AKAP9: variants seen among roughly 807,000 people sequenced by gnomAD.
The protein encoded by AKAP9 is A-kinase anchoring protein 9.
AKAP9 carries 311 observed loss-of-function variants against 488.5 expected under a neutral mutation model. The ratio of observed to expected loss-of-function variants is 0.64; its 90% CI spans 0.58 to 0.70. AKAP9 has a LOEUF of 0.70. AKAP9 is among the 30% of genes least tolerant of loss of function. The pLI is 0.00. For synonymous variants in AKAP9, 1,462 were observed against 1,483.5 expected (o/e 0.99, Z 0.33); for missense variants, 4,215 against 4,374.5 (o/e 0.96, Z 1.03).
chr7:91,996,053 GT>G (rs889639139), intron 7 of AKAP9: 11 of 405,686 alleles, frequency 2.7e-5, no homozygotes, highest in South Asian at 1.6e-4. Flanking sequence ...TATAGCTATA[GT>G]TTTTTTTGTC....
chr7:91,982,583 G>A (rs575124365), intron 3 of AKAP9, among the ~76,000 whole-genome samples: 1 of 152,238 alleles, frequency 6.6e-6, no homozygotes, highest in African/African-American at 2.4e-5. Context: ...TCTTTATCCA[G>A]TCTATCATTG....
chr7:92,080,422 C>A (rs949463753), intron 31 of AKAP9, among the ~76,000 whole-genome samples: 1 of 152,002 alleles, frequency 6.6e-6, no homozygotes, highest in Non-Finnish European at 1.5e-5. Flanking sequence ...CACGGTGAAA[C>A]CCCGTCTCTA....
At chr7:92,018,644 G>A (rs567923457) in intron 12 of AKAP9, among the ~76,000 whole-genome samples, 2 of 151,904 alleles carry the variant, frequency 1.3e-5, no homozygotes, top group Non-Finnish European at 2.9e-5. Flanking sequence ...ATTATTTCTC[G>A]ACTGTAGTAT....
At chr7:92,058,810 T>C (rs567643870) in intron 22 of AKAP9, among the ~76,000 whole-genome samples, 1 of 152,124 alleles carries the variant, frequency 6.6e-6, no homozygotes, top group South Asian at 2.1e-4. Context: ...AATCATATGT[T>C]ATATTGGCTG....
At position 92,079,153 on chromosome 7, in the gene AKAP9, T is replaced by C; in HGVS notation, c.7020T>C (p.Cys2340=). Residue 2340 remains cysteine, a synonymous_variant, in exon 31 of 50, where the codon TGT becomes TGC. Coordinates refer to ENST00000356239, the MANE Select transcript of AKAP9 (RefSeq NM_005751.5). ...AATGTTTGATGAGTGATCAAGAATGTGTGAAGAGAAATAGAGAAGAAGAAA... is the reference window on the plus strand; with the variant it reads ...AATGTTTGATGAGTGATCAAGAATGCGTGAAGAGAAATAGAGAAGAAGAAA... ...QIECLMSDQE[C]VKRNREEEIE... 1.2e-6 allele frequency: 2 copies of C among 1,613,846 alleles called. No individual in the cohort carries two copies. The highest frequency in any genetic ancestry group is 1.7e-6 in the Non-Finnish European group (2 of 1,179,900).
chr7:91,951,394 G>A (rs938138978), intron 1 of AKAP9, among the ~76,000 whole-genome samples: 1 of 151,636 alleles, frequency 6.6e-6, no homozygotes, highest in South Asian at 2.1e-4. Context: ...GCATGATCAC[G>A]GCTCATTGCA....
At position 92,029,985 on chromosome 7, in the gene AKAP9, A is replaced by G. The variant is rs1803955456; in HGVS notation, c.4239A>G (p.Thr1413=). Reference sequence around the variant, plus strand: ...GTGTGAAAAAGAATATTGATGGTACAATAGAGGTATTATATTTTTAATTTT... The same window carrying G: ...GTGTGAAAAAGAATATTGATGGTACGATAGAGGTATTATATTTTTAATTTT... The part of the protein sequence containing the change: ...GSCVKKNIDG[T]IEFSGEFGVK... The change falls in exon 15 of 50, where the codon ACA becomes ACG. Residue 1413 remains threonine, a synonymous_variant. Coordinates refer to ENST00000356239, the MANE Select transcript of AKAP9 (RefSeq NM_005751.5). The G allele has an allele frequency of 3.8e-6, 6 of 1,595,382 alleles. No homozygotes were observed. The East Asian group carries it at 1.3e-4, about 36-fold the overall frequency.
At chr7:92,029,815 T>G (rs985805183) in intron 14 of AKAP9, 80 bp from the exon 15 acceptor site, 9 of 1,131,814 alleles carry the variant, frequency 8.0e-6, no homozygotes, top group Middle Eastern at 3.9e-4. Flanking sequence ...AGTACACATT[T>G]TATGTGTGGT....
At chr7:92,014,446 G>A in intron 10 of AKAP9, 118 bp downstream of exon 10, 1 of 731,862 alleles carries the variant, frequency 1.4e-6, no homozygotes, top group Non-Finnish European at 2.4e-6. Flanking sequence ...TGGCCAACGT[G>A]GTGAAACCCC....
chr7:91,953,294 G>T (rs1240212884), intron 1 of AKAP9, among the ~76,000 whole-genome samples: 2 of 152,154 alleles, frequency 1.3e-5, no homozygotes, highest in Non-Finnish European at 2.9e-5. Flanking sequence ...GCAAGATTGT[G>T]AAATCAGTTT....
In AKAP9 at chr7:92,052,782, A is replaced by C. The variant is rs1307812108; in HGVS notation, c.5425A>C (p.Asn1809His). 2 of 1,613,692 alleles carry C rather than the reference A, an allele frequency of 1.2e-6. No homozygotes were observed. Among genetic ancestry groups the C allele is most frequent in the Admixed American group, 1.7e-5 (1 of 59,986 alleles). ...SGSDMPRNDI[N>H]MWSKVTEEGT... is the part of the protein sequence containing the mutation. ...AAGTGATATGCCAAGAAATGACATT[A>C]ACATGTGGTCAAAAGTAACTGAGGA... The change falls in exon 22 of 50, where the codon AAC (asparagine) becomes CAC (histidine). Residue 1809 changes from asparagine (N) to histidine (H), a missense_variant. Around this residue, in one of 5 missense-constraint regions of AKAP9, gnomAD observed 2,361 missense variants for 2,430.0 expected, o/e 0.97. Transcript: ENST00000356239.
intron 11 of AKAP9, 71 bp downstream of exon 11, chr7:92,016,338 TTTGA>T: frequency 8.5e-7 from 1 of 1,170,510 alleles, no homozygotes; most frequent in Non-Finnish European, 1.2e-6. Context: ...GATTTTTACT[TTTGA>T]TTATGATTTA....
Position 92,084,890 on chromosome 7 carries a change from C to T in AKAP9, c.8782C>T (p.Arg2928Ter), listed in dbSNP as rs746403215. 7.4e-6 allele frequency: 12 copies of T among 1,612,500 alleles called. No individual in the cohort carries two copies. Among genetic ancestry groups the T allele is most frequent in the Admixed American group, 1.7e-5 (1 of 59,908 alleles). Residue 2928 changes from arginine (R) to a stop codon, truncating the protein, a stop_gained, in exon 35 of 50, where the codon CGA (arginine) becomes TGA (stop). Coordinates refer to ENST00000356239, the MANE Select transcript of AKAP9 (RefSeq NM_005751.5). LOFTEE classifies it high-confidence loss of function. ...SQGFDIASEG[R>*]GEESESATDS... is the part of the protein sequence containing the mutation. ...GGGATTTGACATAGCATCAGAAGGC[C>T]GAGGAGAAGAAAGTGAAAGTGCAAC...
intron 45 of AKAP9, among the ~76,000 whole-genome samples, chr7:92,101,657 C>T (rs1002421804): frequency 6.6e-6 from 1 of 152,160 alleles, no homozygotes; most frequent in African/African-American, 2.4e-5. Context: ...TTTTCAACTC[C>T]TAACAAAAGC....
chr7:92,014,951 G>A (rs1431779353), intron 10 of AKAP9, among the ~76,000 whole-genome samples: 1 of 152,098 alleles, frequency 6.6e-6, no homozygotes, highest in African/African-American at 2.4e-5. Flanking sequence ...AAAACACTAA[G>A]ATGGCACCCA....
intron 37 of AKAP9, among the ~76,000 whole-genome samples, chr7:92,086,855 A>G (rs917853276): frequency 6.6e-6 from 1 of 152,152 alleles, no homozygotes; most frequent in African/African-American, 2.4e-5. Context: ...TATATTATTG[A>G]TTGATTAACC....
At chr7:92,019,932 T>G (rs1467207085) in intron 12 of AKAP9, among the ~76,000 whole-genome samples, 3 of 151,922 alleles carry the variant, frequency 2.0e-5, no homozygotes, top group Non-Finnish European at 2.9e-5. Context: ...GAGAATTGCT[T>G]GAACCCAGAA....
intron 47 of AKAP9, among the ~76,000 whole-genome samples, chr7:92,106,641 A>G (rs1265568767): frequency 6.6e-6 from 1 of 152,240 alleles, no homozygotes; most frequent in Non-Finnish European, 1.5e-5. Context: ...TACACCTAGA[A>G]GTGGAAACAA....
At chr7:92,099,929 G>C (rs1311208476) in intron 44 of AKAP9, 60 bp downstream of exon 44, 1 of 1,541,744 alleles carries the variant, frequency 6.5e-7, no homozygotes, top group African/African-American at 1.4e-5. Flanking sequence ...CATTTCTGCT[G>C]TCTAGTTCAA....
Sources: gnomAD v4.1 joint callset for allele counts (sites outside exome capture counted in the v4.1 genomes callset) on GRCh38, gnomAD v4.1.1 for gene constraint, gnomAD v4.1.1 regional missense constraint, MANE v1.5 for transcripts, NCBI Gene and HGNC (gene_info 2026-07-23, HGNC 2026-07-21) for gene names.